DUSP22: variants seen among roughly 807,000 people sequenced by gnomAD.
The protein encoded by DUSP22 is dual specificity phosphatase 22, also known as dual specificity protein phosphatase 22.
A neutral mutation model predicts 24.5 loss-of-function variants in DUSP22; 24 were observed. The ratio of observed to expected loss-of-function variants is 0.98; its 90% CI spans 0.71 to 1.38. The LOEUF (loss-of-function observed/expected upper bound fraction) is 1.38. Among genes scored for constraint, DUSP22 ranks in the 40% most tolerant of loss-of-function variants. The pLI, the probability that DUSP22 is intolerant of heterozygous loss-of-function variation, is 0.00. For missense variants in DUSP22, 330 were observed against 269.2 expected, an observed-to-expected ratio of 1.23 and a Z score of -1.58; for synonymous variants, 160 against 106.4, an observed-to-expected ratio of 1.50 and a Z score of -3.10.
intron 4 of DUSP22, among the ~76,000 whole-genome samples, chr6:342,397 A>C (rs984109720): frequency 6.6e-6 from 1 of 152,300 alleles, no homozygotes; most frequent in African/African-American, 2.4e-5. Context: ...CTGGGGGACC[A>C]AGGAGGGTGC....
intron 1 of DUSP22, among the ~76,000 whole-genome samples, chr6:293,585 T>C (rs1185434058): frequency 4.6e-5 from 7 of 152,302 alleles, no homozygotes; most frequent in African/African-American, 1.7e-4. Flanking sequence ...TTTTTTTTCA[T>C]GTCCCTCAGC....
At chr6:295,186 T>C (rs1279180681) in intron 1 of DUSP22, among the ~76,000 whole-genome samples, 1 of 152,300 alleles carries the variant, frequency 6.6e-6, no homozygotes, top group African/African-American at 2.4e-5. Flanking sequence ...GGAACTAACA[T>C]AACTTGGAAT....
intron 2 of DUSP22, among the ~76,000 whole-genome samples, chr6:306,692 A>ATT (rs1477275353): frequency 6.6e-6 from 1 of 152,310 alleles, no homozygotes; most frequent in South Asian, 2.1e-4. Flanking sequence ...GAGAGGAAGT[A>ATT]TTTTCCCCAA....
intron 4 of DUSP22, among the ~76,000 whole-genome samples, chr6:335,517 A>AAT (rs1273031208): frequency 3.3e-5 from 5 of 152,306 alleles, no homozygotes; most frequent in African/African-American, 1.2e-4. Flanking sequence ...AGCGCTGTCC[A>AAT]ATAGAAATAG....
At position 335,089 on chromosome 6, in the gene DUSP22, G is replaced by T. The variant is rs766330827; in HGVS notation, c.139-25G>T. 22 of 1,608,834 alleles carry T rather than the reference G, an allele frequency of 1.4e-5. No homozygotes were observed. In the South Asian group the frequency reaches 1.7e-4, roughly 12 times the overall value. ...CTGAGTTTCATGTTTTTATTTTTAT[G>T]TATTTACTTTTTATTATTCTGCAGG... On this transcript the variant is annotated intron_variant, in intron 3 of 6. Coordinates refer to ENST00000419235, the MANE Select transcript of DUSP22 (RefSeq NM_001286555.3).
intron 2 of DUSP22, among the ~76,000 whole-genome samples, chr6:307,838 G>C (rs1757881492): frequency 6.6e-6 from 1 of 152,312 alleles, no homozygotes; most frequent in Non-Finnish European, 1.5e-5. Context: ...AAGACAGACA[G>C]TCCTGGTGGG....
At chr6:326,580 G>C (rs1370278226) in intron 3 of DUSP22, among the ~76,000 whole-genome samples, 6 of 152,192 alleles carry the variant, frequency 3.9e-5, no homozygotes, top group Admixed American at 6.5e-5. Context: ...TCTGCCCTGG[G>C]CTTCTGCGTC....
In DUSP22 at chr6:292,546, A is replaced by G. The variant is rs1757135535; in HGVS notation, c.7A>G (p.Asn3Asp). The G allele has an allele frequency of 6.2e-7, 1 of 1,605,158 alleles. No homozygotes were observed. The highest frequency in any genetic ancestry group is 8.5e-7 in the Non-Finnish European group (1 of 1,175,904). Residue 3 changes from asparagine to aspartate, a missense_variant, in exon 1 of 7, where the codon AAT (asparagine) becomes GAT (aspartate). Asn to Asp is a conservative substitution (Grantham distance 23). Transcript: ENST00000419235. MGNGMNKILPGLY... is the reference protein window; with the variant it reads MGDGMNKILPGLY... ...GCGTTCGCCTTCAGCCACCATGGGG[A>G]ATGGGATGAACAAGGTAACGTCTTC...
At position 319,983 on chromosome 6, in the gene DUSP22, G is replaced by A. The variant is rs1453334661; in HGVS notation, c.138+8021G>A. 4 of 152,584 alleles carry A rather than the reference G, an allele frequency of 2.6e-5. No homozygotes were observed. In the East Asian group the frequency reaches 7.7e-4, roughly 29 times the overall value. 9.5% of individuals were successfully genotyped at this position (152,584 alleles called of 1,614,324 possible). ...TCTTTCTTGAAGCAAGCTGTATCTA[G>A]GTTTCTCGTGTGGCAGTCGGGTGTG... On this transcript the variant is annotated intron_variant, in intron 3 of 6. Coordinates refer to ENST00000419235, the MANE Select transcript of DUSP22 (RefSeq NM_001286555.3).
chr6:320,138 A>G (rs551624254), intron 3 of DUSP22: 9 of 152,652 alleles, frequency 5.9e-5, no homozygotes, highest in Admixed American at 1.3e-4. Flanking sequence ...TAGGGAGGAC[A>G]TGGTTTTTTA....
At chr6:339,434 A>G (rs1321332043) in intron 4 of DUSP22, among the ~76,000 whole-genome samples, 1 of 152,302 alleles carries the variant, frequency 6.6e-6, no homozygotes, top group Non-Finnish European at 1.5e-5. Context: ...GAGTATTAAT[A>G]TGTTTTGAAA....
chr6:345,812 G>A (rs1205254622), intron 4 of DUSP22, 42 bp from the exon 5 acceptor site: 26 of 1,607,934 alleles, frequency 1.6e-5, no homozygotes, highest in Non-Finnish European at 2.1e-5. Flanking sequence ...CATATATTGA[G>A]TAAAGTAGAG....
Position 348,187 on chromosome 6 carries a change from C to T in DUSP22, c.348C>T (p.His116=), listed in dbSNP as rs2127423464. The stretch of plus-strand genomic sequence containing the variant: ...ACTTTGGCTGGGAGGATGCCCTGCA[C>T]ACCGTGCGTGCTGGGAGATCCTGTG... ...VTDFGWEDAL[H]TVRAGRSCAN... The change falls in exon 6 of 7, where the codon CAC becomes CAT. Residue 116 remains histidine, a synonymous_variant. Coordinates refer to ENST00000419235, the MANE Select transcript of DUSP22 (RefSeq NM_001286555.3). The T allele has an allele frequency of 6.2e-7, 1 of 1,614,298 alleles. No homozygotes were observed. Among genetic ancestry groups the T allele is most frequent in the Non-Finnish European group, 8.5e-7 (1 of 1,180,050 alleles).
At chr6:345,242 C>A (rs62390216) in intron 4 of DUSP22, among the ~76,000 whole-genome samples, 1 of 147,338 alleles carries the variant, frequency 6.8e-6, no homozygotes, top group African/African-American at 2.5e-5. Context: ...TTTTTTTTTC[C>A]TCTGTTGCCC....
intron 3 of DUSP22, among the ~76,000 whole-genome samples, chr6:316,923 G>C (rs1420408979): frequency 6.6e-6 from 1 of 152,310 alleles, no homozygotes; most frequent in Non-Finnish European, 1.5e-5. Context: ...ATACCAGGTA[G>C]ATTTTATGAG....
chr6:301,877 T>C (rs1195236125), intron 1 of DUSP22, among the ~76,000 whole-genome samples: 5 of 152,304 alleles, frequency 3.3e-5, no homozygotes, highest in African/African-American at 4.8e-5. Context: ...TTCTACAACA[T>C]TAGAATGTAG....
At chr6:302,460 G>T (rs916513552) in intron 1 of DUSP22, among the ~76,000 whole-genome samples, 1 of 152,308 alleles carries the variant, frequency 6.6e-6, no homozygotes, top group African/African-American at 2.4e-5. Flanking sequence ...CTCCCTGTCT[G>T]CCCACTGCTC....
intron 4 of DUSP22, among the ~76,000 whole-genome samples, chr6:340,527 A>C (rs925661825): frequency 1.5e-4 from 23 of 152,294 alleles, no homozygotes; most frequent in African/African-American, 2.4e-5. Flanking sequence ...ACAAGCAAAA[A>C]CTTTTTTTTC....
chr6:320,317 C>G (rs1196860435), intron 3 of DUSP22: 2 of 152,896 alleles, frequency 1.3e-5, no homozygotes, highest in African/African-American at 2.4e-5. Context: ...GTCCCGGTGT[C>G]TGAGCATTTC....
Sources: gnomAD v4.1 joint callset for allele counts (sites outside exome capture counted in the v4.1 genomes callset) on GRCh38, gnomAD v4.1.1 for gene constraint, MANE v1.5 for transcripts, NCBI Gene and HGNC (gene_info 2026-07-23, HGNC 2026-07-21) for gene names.